Variants in RETREG1 observed in about 807,000 individuals in gnomAD.
The protein encoded by RETREG1 is family with sequence similarity 134 member B.
Under a neutral mutation model 54.8 loss-of-function variants are expected in RETREG1, and 44 were observed. The ratio of observed to expected loss-of-function variants is 0.80; its 90% CI spans 0.63 to 1.03. RETREG1 has a LOEUF of 1.03. Among genes scored for constraint, RETREG1 ranks in the 50% least tolerant of loss-of-function variants. The pLI is 0.00. For synonymous variants in RETREG1, 217 were observed against 238.5 expected (o/e 0.91, Z 0.83); for missense variants, 554 against 605.1 (o/e 0.92, Z 0.89).
intron 3 of RETREG1, among the ~76,000 whole-genome samples, chr5:16,564,287 A>G (rs1741949374): frequency 6.6e-6 from 1 of 152,228 alleles, no homozygotes; most frequent in African/African-American, 2.4e-5. Flanking sequence ...TTGTCTTCAT[A>G]GATGTCTTTT....
intron 3 of RETREG1, among the ~76,000 whole-genome samples, chr5:16,498,829 A>G (rs1739578386): frequency 2.6e-5 from 4 of 152,232 alleles, no homozygotes; most frequent in Admixed American, 2.0e-4. Context: ...AAGGCCTAGG[A>G]CATTACTGTG....
intron 3 of RETREG1, among the ~76,000 whole-genome samples, chr5:16,490,527 A>G (rs1017855972): frequency 4.7e-4 from 71 of 152,316 alleles, no homozygotes; most frequent in African/African-American, 1.6e-3. Flanking sequence ...GCTAACACTC[A>G]CCAGGGGTCA....
intron 3 of RETREG1, among the ~76,000 whole-genome samples, chr5:16,540,901 A>C (rs571556014): frequency 6.6e-6 from 1 of 152,230 alleles, no homozygotes; most frequent in African/African-American, 2.4e-5. Flanking sequence ...ATTGTTGTCT[A>C]ATGGGTTATT....
At chr5:16,614,964 C>T (rs1047629455) in intron 1 of RETREG1, among the ~76,000 whole-genome samples, 3 of 152,212 alleles carry the variant, frequency 2.0e-5, no homozygotes, top group Non-Finnish European at 4.4e-5. Flanking sequence ...AGCAACATTG[C>T]TGGCCTCCGT....
chr5:16,581,365 T>A (rs1383840713), intron 1 of RETREG1, among the ~76,000 whole-genome samples: 3 of 152,084 alleles, frequency 2.0e-5, no homozygotes, highest in Admixed American at 1.3e-4. Context: ...CACAGAGCAT[T>A]CATCCCCAAG....
chr5:16,492,383 A>G (rs1322804367), intron 3 of RETREG1, among the ~76,000 whole-genome samples: 1 of 150,964 alleles, frequency 6.6e-6, no homozygotes, highest in Non-Finnish European at 1.5e-5. Flanking sequence ...TCATTATTTT[A>G]TTTTCAATTT....
At chr5:16,519,099 G>A (rs987359199) in intron 3 of RETREG1, among the ~76,000 whole-genome samples, 2 of 152,102 alleles carry the variant, frequency 1.3e-5, no homozygotes, top group Non-Finnish European at 2.9e-5. Context: ...ATCTATACAC[G>A]TGTTGTAAAT....
chr5:16,603,646 G>A (rs1743105882), intron 1 of RETREG1, among the ~76,000 whole-genome samples: 1 of 152,004 alleles, frequency 6.6e-6, no homozygotes, highest in South Asian at 2.1e-4. Flanking sequence ...ACGGCTCCAT[G>A]CCTCCCAGCC....
At chr5:16,577,487 T>C (rs1156304099) in intron 1 of RETREG1, among the ~76,000 whole-genome samples, 1 of 152,084 alleles carries the variant, frequency 6.6e-6, no homozygotes, top group Non-Finnish European at 1.5e-5. Flanking sequence ...AATAGCTGGA[T>C]CACAGTTATA....
chr5:16,527,800 ATTTTTTTTTTTTT>A (rs386403108), intron 3 of RETREG1, among the ~76,000 whole-genome samples: 3 of 66,262 alleles, frequency 4.5e-5, no homozygotes, highest in Middle Eastern at 0.023. Flanking sequence ...AGGGACTCTA[ATTTTTTTTTTTTT>A]TTTTTTTTTT....
At chr5:16,555,107 A>T (rs1741669579) in intron 3 of RETREG1, among the ~76,000 whole-genome samples, 1 of 152,086 alleles carries the variant, frequency 6.6e-6, no homozygotes, top group African/African-American at 2.4e-5. Flanking sequence ...TTTCTGACTC[A>T]CTAACTAGAA....
chr5:16,540,366 T>C (rs1396304121), intron 3 of RETREG1, among the ~76,000 whole-genome samples: 1 of 152,162 alleles, frequency 6.6e-6, no homozygotes, highest in Non-Finnish European at 1.5e-5. Context: ...AAGCAATGAG[T>C]GGGCTAATGT....
intron 3 of RETREG1, chr5:16,509,017 C>T: frequency 1.0e-6 from 1 of 1,001,080 alleles, no homozygotes; most frequent in Non-Finnish European, 1.2e-6. Flanking sequence ...CTAGGCCCGC[C>T]TGCCCTTTTT....
chr5:16,552,978 A>G (rs1275491222), intron 3 of RETREG1, among the ~76,000 whole-genome samples: 1 of 152,210 alleles, frequency 6.6e-6, no homozygotes, highest in African/African-American at 2.4e-5. Context: ...TAAAGACAAA[A>G]AAACCTCCCA....
chr5:16,565,933 T>C, intron 2 of RETREG1, 140 bp from the exon 3 acceptor site: 1 of 875,694 alleles, frequency 1.1e-6, no homozygotes, highest in South Asian at 1.4e-5. Flanking sequence ...AGTCATACAG[T>C]GTACACTGCT....
At chr5:16,581,295 C>G (rs1259327604) in intron 1 of RETREG1, among the ~76,000 whole-genome samples, 1 of 152,158 alleles carries the variant, frequency 6.6e-6, no homozygotes, top group Admixed American at 6.5e-5. Flanking sequence ...TGCCCCATCA[C>G]ACTTCACTTA....
intron 3 of RETREG1, among the ~76,000 whole-genome samples, chr5:16,515,905 A>C (rs248132): frequency 6.6e-6 from 1 of 152,008 alleles, no homozygotes; most frequent in Non-Finnish European, 1.5e-5. Flanking sequence ...GGCTATTCAG[A>C]GTAGGGGCTT....
rs577695040 is a variant in RETREG1, at chr5:16,579,273, C to G, written c.321-7171G>C. Among the ~76,000 whole-genome samples the G allele has an allele frequency of 2.0e-5, 3 of 152,244 alleles. No homozygotes were observed. In the East Asian group the frequency reaches 5.8e-4, roughly 29 times the overall value. On this transcript the variant is annotated intron_variant, in intron 1 of 8. Coordinates refer to ENST00000306320, the MANE Select transcript of RETREG1 (RefSeq NM_001034850.3). ...AGGGATCGTCATTAAACCTATTTTA[C>G]AGAAGAGCAAAGAGGCTCAGAAACT...
chr5:16,583,793 A>G (rs1299450436), intron 1 of RETREG1, among the ~76,000 whole-genome samples: 1 of 152,200 alleles, frequency 6.6e-6, no homozygotes, highest in Non-Finnish European at 1.5e-5. Context: ...TCAACAGCTA[A>G]AACATATTTT....
Sources: gnomAD v4.1 joint callset for allele counts (sites outside exome capture counted in the v4.1 genomes callset) on GRCh38, gnomAD v4.1.1 for gene constraint, MANE v1.5 for transcripts, NCBI Gene and HGNC (gene_info 2026-07-23, HGNC 2026-07-21) for gene names.